Variants in SMG1 observed in about 807,000 individuals in gnomAD.
SMG1 encodes the protein serine/threonine-protein kinase SMG1.
SMG1 carries 22 observed loss-of-function variants against 419.9 expected under a neutral mutation model. The ratio of observed to expected loss-of-function variants is 0.05; its 90% CI spans 0.04 to 0.07. The LOEUF (loss-of-function observed/expected upper bound fraction) is 0.07. Among genes scored for constraint, SMG1 ranks in the 10% least tolerant of loss-of-function variants. The pLI is 1.00. For missense variants in SMG1, 3,185 were observed against 4,342.0 expected (o/e 0.73, Z 7.49); for synonymous variants, 1,538 against 1,553.5 (o/e 0.99, Z 0.23).
chr16:18,908,476 CAAA>C (rs59890240), intron 1 of SMG1, among the ~76,000 whole-genome samples: 58 of 83,690 alleles, frequency 6.9e-4, no homozygotes, highest in Non-Finnish European at 8.6e-4. Context: ...GACTCCGTCT[CAAA>C]AAAAAAAAAA....
chr16:18,806,623 T>G lies in SMG1; in HGVS notation c.*2946A>C, dbSNP rs1398688741. On this transcript the variant is annotated 3_prime_UTR_variant, in exon 63 of 63. Coordinates refer to ENST00000446231, the MANE Select transcript of SMG1 (RefSeq NM_015092.5). ...TAAAAATTAGGCAATTCTAGTAAATTAAAGACAGCAAAAAACTTAAGATTG... is the reference window on the plus strand; with the variant it reads ...TAAAAATTAGGCAATTCTAGTAAATGAAAGACAGCAAAAAACTTAAGATTG... 1.3e-5 allele frequency: 2 copies of G among 152,188 alleles called. No individual in the cohort carries two copies. The highest frequency in any genetic ancestry group is 4.8e-5 in the African/African-American group (2 of 41,458). The allele number at this position is 152,188 out of a possible 1,614,324, so 9.4% of individuals were successfully genotyped here.
chr16:18,901,657 A>T, intron 1 of SMG1, among the ~76,000 whole-genome samples: 1 of 152,126 alleles, frequency 6.6e-6, no homozygotes, highest in East Asian at 1.9e-4. Flanking sequence ...GGTAATCTCT[A>T]AACTCTTGAA....
chr16:18,894,291 GAAACTAC>G (rs1280472209), intron 3 of SMG1, among the ~76,000 whole-genome samples: 1 of 151,778 alleles, frequency 6.6e-6, no homozygotes, highest in Non-Finnish European at 1.5e-5. Flanking sequence ...TAAAAAAAAA[GAAACTAC>G]AATGTCTGAG....
At chr16:18,837,578 A>G (rs981667747) in intron 45 of SMG1, 135 bp from the exon 46 acceptor site, 1 of 692,986 alleles carries the variant, frequency 1.4e-6, no homozygotes, top group Admixed American at 2.9e-5. Context: ...CCTCCACTGT[A>G]CAAAAACAAC....
Position 18,884,515 on chromosome 16 carries a change from A to C in SMG1, c.1022-348T>G, listed in dbSNP as rs753908715. 2.0e-5 allele frequency among the ~76,000 whole-genome samples: 3 copies of C among 152,162 alleles called. No individual in the cohort carries two copies. In the South Asian group the frequency reaches 6.2e-4, roughly 31 times the overall value. ...AATCCCAGGGCCACATCTAACCATT[A>C]AAGGTGTATACTCATCTCCTCAGTG... On this transcript the variant is annotated intron_variant, in intron 8 of 62. Coordinates refer to ENST00000446231, the MANE Select transcript of SMG1 (RefSeq NM_015092.5).
intron 1 of SMG1, 181 bp downstream of exon 1, chr16:18,925,769 T>C (rs1746683679): frequency 4.7e-6 from 2 of 427,902 alleles, no homozygotes; most frequent in Non-Finnish European, 8.2e-6. Context: ...GGGGAGGCAC[T>C]TAGGCCTCGC....
intron 1 of SMG1, chr16:18,900,015 A>C (rs1293697929): frequency 8.5e-6 from 13 of 1,530,860 alleles, no homozygotes; most frequent in Admixed American, 7.8e-5. Context: ...TATAATATGG[A>C]GCCTTTGTGA....
intron 1 of SMG1, among the ~76,000 whole-genome samples, chr16:18,924,074 T>C (rs1363271817): frequency 2.0e-5 from 3 of 152,214 alleles, no homozygotes; most frequent in African/African-American, 7.2e-5. Context: ...TATATCACAG[T>C]ATCGTCTACC....
chr16:18,911,184 T>A (rs2037778126), intron 1 of SMG1, among the ~76,000 whole-genome samples: 1 of 152,176 alleles, frequency 6.6e-6, no homozygotes, highest in Admixed American at 6.5e-5. Flanking sequence ...GAAATAGGTT[T>A]ACAGCCTAAT....
chr16:18,831,774 CAT>C (rs67247211), intron 51 of SMG1, among the ~76,000 whole-genome samples: 27,714 of 129,238 alleles, frequency 0.21, 3,476 homozygotes, highest in Non-Finnish European at 0.29. Flanking sequence ...AAAAAAAATA[CAT>C]ATATATATAT....
intron 12 of SMG1, 22 bp from the exon 13 acceptor site, chr16:18,876,415 G>A (rs1443932613): frequency 2.5e-6 from 4 of 1,573,270 alleles, no homozygotes. Flanking sequence ...AAAATTCAAG[G>A]AAGTGATAAA....
chr16:18,869,210 A>T lies in SMG1; in HGVS notation c.2727T>A (p.Asp909Glu). 1 of 1,611,802 alleles carries T rather than the reference A, an allele frequency of 6.2e-7. No individual in the cohort carries two copies. The change falls in exon 20 of 63, where the codon GAT (aspartate) becomes GAA (glutamate). Residue 909 changes from aspartate to glutamate, a missense_variant. Asp to Glu is a conservative substitution (Grantham distance 45). Transcript: ENST00000446231. ...STIPRNLLKTDAVLWQWAIWE... is the reference protein window; with the variant it reads ...STIPRNLLKTEAVLWQWAIWE... ...ATATGGCCCACTGCCAAAGGACAGCATCTGTCTTCAGGAGATTGCGTGGAA... is the reference window on the plus strand; with the variant it reads ...ATATGGCCCACTGCCAAAGGACAGCTTCTGTCTTCAGGAGATTGCGTGGAA...
chr16:18,926,024 C>G lies in SMG1; in HGVS notation c.18G>C (p.Pro6=). The change falls in exon 1 of 63, where the codon CCG becomes CCC. Residue 6 remains proline, a synonymous_variant. Coordinates refer to ENST00000446231, the MANE Select transcript of SMG1 (RefSeq NM_015092.5). MSRRA[P]GSRLSSGGGG... ...CGCCGCCGCTGCTCAGCCGAGACCC[C>G]GGGGCTCTGCGGCTCATTACCTTCC... 6.3e-7 allele frequency: 1 copy of G among 1,575,388 alleles called. No individual in the cohort carries two copies. Among genetic ancestry groups the G allele is most frequent in the Non-Finnish European group, 8.6e-7 (1 of 1,168,698 alleles).
At chr16:18,818,013 C>T (rs554498739) in intron 56 of SMG1, among the ~76,000 whole-genome samples, 5 of 151,700 alleles carry the variant, frequency 3.3e-5, no homozygotes, top group East Asian at 3.9e-4. Context: ...GCAATCCTAC[C>T]GCCTTAGTCT....
chr16:18,840,016 A>G, intron 41 of SMG1, 70 bp from the exon 42 acceptor site: 1 of 1,254,804 alleles, frequency 8.0e-7, no homozygotes, highest in Non-Finnish European at 1.1e-6. Flanking sequence ...TGCCTTTTGT[A>G]TGTAAAGTAG....
At chr16:18,839,047 T>C (rs2033753664) in intron 42 of SMG1, among the ~76,000 whole-genome samples, 1 of 152,156 alleles carries the variant, frequency 6.6e-6, no homozygotes, top group African/African-American at 2.4e-5. Context: ...CCCAAACCAA[T>C]GTTGGGCAGG....
In SMG1 at chr16:18,859,687, A is replaced by G. The variant is rs778808122; in HGVS notation, c.3822T>C (p.Leu1274=). Residue 1274 remains leucine (L), a synonymous_variant, in exon 27 of 63, where the codon CTT becomes CTC. Transcript: ENST00000446231. ...TCGGATCCGGACTTAACATGTTAGG[A>G]AGCAGTTTTTTCATGTCTACCAAAG... The part of the protein sequence containing the change: ...SKEKIDMKKL[L]PNMLSPDPRE... The G allele has an allele frequency of 6.2e-7, 1 of 1,603,782 alleles. No individual in the cohort carries two copies. The highest frequency in any genetic ancestry group is 8.5e-7 in the Non-Finnish European group (1 of 1,175,270).
chr16:18,880,545 T>G (rs114115714), intron 10 of SMG1, among the ~76,000 whole-genome samples: 16 of 152,116 alleles, frequency 1.1e-4, no homozygotes, highest in African/African-American at 3.1e-4. Context: ...ACACCTCATC[T>G]CTACTAAATT....
At chr16:18,833,230 G>T in intron 50 of SMG1, 64 bp from the exon 51 acceptor site, 1 of 1,295,058 alleles carries the variant, frequency 7.7e-7, no homozygotes, top group Non-Finnish European at 1.1e-6. Context: ...CACATTTGGA[G>T]ACTTAGAGCC....
Sources: gnomAD v4.1 joint callset for allele counts (sites outside exome capture counted in the v4.1 genomes callset) on GRCh38, gnomAD v4.1.1 for gene constraint, MANE v1.5 for transcripts, NCBI Gene and HGNC (gene_info 2026-07-23, HGNC 2026-07-21) for gene names.